CFAP54: variants seen among roughly 807,000 people sequenced by gnomAD.
CFAP54 encodes cilia and flagella associated protein 54.
In CFAP54, 290 loss-of-function variants were observed where a neutral mutation model predicts 370.4. That is an observed-to-expected ratio of 0.78 (90% CI 0.71 to 0.86). The LOEUF (loss-of-function observed/expected upper bound fraction) is 0.86, where lower values mean the gene tolerates loss of function less well. CFAP54 is among the 40% of genes least tolerant of loss of function. The pLI is 0.00. For synonymous variants in CFAP54, 1,206 were observed against 1,236.5 expected, an observed-to-expected ratio of 0.98 and a Z score of 0.52; for missense variants, 3,399 against 3,528.7, an observed-to-expected ratio of 0.96 and a Z score of 0.93.
At chr12:96,859,207 A>G (rs754503926) in intron 66 of CFAP54, among the ~76,000 whole-genome samples, 1 of 152,236 alleles carries the variant, frequency 6.6e-6, no homozygotes, top group African/African-American at 2.4e-5. Context: ...AGCCATAAGC[A>G]GAAGACTGAA....
At chr12:96,541,114 A>G in intron 14 of CFAP54, 127 bp downstream of exon 14, 1 of 502,218 alleles carries the variant, frequency 2.0e-6, no homozygotes, top group Admixed American at 4.3e-5. Flanking sequence ...GAGGATTTAT[A>G]ATTAGAGATA....
chr12:96,513,696 G>T (rs902628429), intron 5 of CFAP54, among the ~76,000 whole-genome samples: 1 of 152,064 alleles, frequency 6.6e-6, no homozygotes, highest in Non-Finnish European at 1.5e-5. Context: ...AGCCAAGATC[G>T]TGCCACTTTG....
intron 5 of CFAP54, among the ~76,000 whole-genome samples, chr12:96,513,662 G>A (rs1318057490): frequency 6.6e-6 from 1 of 152,104 alleles, no homozygotes; most frequent in Admixed American, 6.6e-5. Context: ...GATTGCTTGA[G>A]CCTGGGAGGC....
intron 26 of CFAP54, among the ~76,000 whole-genome samples, chr12:96,606,701 G>C (rs78038517): frequency 2.0e-5 from 3 of 152,100 alleles, no homozygotes; most frequent in African/African-American, 7.2e-5. Context: ...AAGGCTGGAG[G>C]GGGTATCTTA....
intron 45 of CFAP54, among the ~76,000 whole-genome samples, chr12:96,696,446 G>A (rs1411640754): frequency 6.6e-6 from 1 of 152,046 alleles, no homozygotes; most frequent in Non-Finnish European, 1.5e-5. Context: ...ATCTAGAGGG[G>A]CACCAAAGGA....
chr12:96,534,598 G>T (rs11108570), intron 11 of CFAP54, among the ~76,000 whole-genome samples: 17,251 of 152,110 alleles, frequency 0.11, 1,568 homozygotes, highest in East Asian at 0.45. Context: ...TGTTAGGAAG[G>T]GAAGGTTTGG....
At chr12:96,738,040 A>G (rs968757282) in intron 50 of CFAP54, among the ~76,000 whole-genome samples, 1 of 152,180 alleles carries the variant, frequency 6.6e-6, no homozygotes, top group African/African-American at 2.4e-5. Context: ...CAGGACTGCA[A>G]GGGCAAGAGT....
intron 9 of CFAP54, among the ~76,000 whole-genome samples, chr12:96,528,377 T>C (rs1955405843): frequency 1.3e-5 from 2 of 152,220 alleles, no homozygotes; most frequent in Admixed American, 1.3e-4. Flanking sequence ...TTATTTCTGC[T>C]TCTCTGTTGA....
intron 36 of CFAP54, among the ~76,000 whole-genome samples, chr12:96,654,898 A>G (rs1490081172): frequency 6.6e-6 from 1 of 150,536 alleles, no homozygotes; most frequent in Non-Finnish European, 1.5e-5. Context: ...GAAAAGTATG[A>G]ACTAATATCC....
At chr12:96,614,396 C>T (rs1229963359) in intron 26 of CFAP54, among the ~76,000 whole-genome samples, 1 of 152,198 alleles carries the variant, frequency 6.6e-6, no homozygotes, top group Non-Finnish European at 1.5e-5. Flanking sequence ...GACAAACCCA[C>T]AGCCAGTATC....
chr12:96,825,458 A>C (rs1374429459), intron 65 of CFAP54, among the ~76,000 whole-genome samples: 7 of 116,336 alleles, frequency 6.0e-5, no homozygotes, highest in East Asian at 2.4e-4. Flanking sequence ...ATTATATATA[A>C]TATAATATAT....
At chr12:96,870,828 G>T (rs886711325) in intron 67 of CFAP54, among the ~76,000 whole-genome samples, 1 of 152,058 alleles carries the variant, frequency 6.6e-6, no homozygotes, top group African/African-American at 2.4e-5. Context: ...TTAAAATGAT[G>T]TTTGAAGTCC....
intron 38 of CFAP54, among the ~76,000 whole-genome samples, chr12:96,659,761 C>A (rs1434167638): frequency 6.6e-6 from 1 of 152,194 alleles, no homozygotes; most frequent in Non-Finnish European, 1.5e-5. Flanking sequence ...TGTGGGTGAC[C>A]TGCCCAAGGG....
chr12:96,695,029 CAAAAACAAAA>C (rs995870474), intron 45 of CFAP54, among the ~76,000 whole-genome samples: 3 of 151,388 alleles, frequency 2.0e-5, no homozygotes, highest in Non-Finnish European at 4.4e-5. Flanking sequence ...TCAAAAAAAA[CAAAAACAAAA>C]AAAAACAAAA....
Position 96,581,009 on chromosome 12 carries a change from C to T in CFAP54, c.2979C>T (p.Asn993=), listed in dbSNP as rs1026298923. The change falls in exon 22 of 68, where the codon AAC becomes AAT. Residue 993 remains asparagine, a synonymous_variant. Coordinates refer to ENST00000524981, the MANE Select transcript of CFAP54 (RefSeq NM_001306084.2). The stretch of plus-strand genomic sequence containing the variant: ...TTGCAGTTGCTGCCTATTCTAACAA[C>T]GGAAAGCTTGTCGGTGGTGCTATTG... ...YVFAVAAYSN[N]GKLVGGAIGE... 75 of 1,533,052 alleles carry T rather than the reference C, an allele frequency of 4.9e-5. 1 individual carries two copies. Among genetic ancestry groups the T allele is most frequent in the Admixed American group, 7.9e-5 (4 of 50,732 alleles). 95.0% of individuals were successfully genotyped at this position (1,533,052 alleles called of 1,614,324 possible). A position where few individuals can be genotyped will look rare whatever the true frequency, so the allele number is the denominator to read the frequency against.
At chr12:96,731,547 G>T (rs970081143) in intron 50 of CFAP54, among the ~76,000 whole-genome samples, 16 of 152,208 alleles carry the variant, frequency 1.1e-4, no homozygotes, top group Non-Finnish European at 1.2e-4. Context: ...GATAGTATTT[G>T]TTGCCGATGA....
rs755347049 is a variant in CFAP54, at chr12:96,792,524, A to G, written c.8850+25A>G. 2.7e-6 allele frequency: 4 copies of G among 1,485,142 alleles called. No homozygotes were observed. In the East Asian group the frequency reaches 7.4e-5, roughly 28 times the overall value. 92.0% of individuals were successfully genotyped at this position (1,485,142 alleles called of 1,614,324 possible). ...GGTATGTAATGTACTTATAGAACTCAATATTTCATTTATATATAAAGCTTA... is the reference window on the plus strand; with the variant it reads ...GGTATGTAATGTACTTATAGAACTCGATATTTCATTTATATATAAAGCTTA... On this transcript the variant is annotated intron_variant, in intron 63 of 67. Coordinates refer to ENST00000524981, the MANE Select transcript of CFAP54 (RefSeq NM_001306084.2).
At chr12:96,497,994 G>A (rs1954976970) in intron 1 of CFAP54, among the ~76,000 whole-genome samples, 2 of 152,156 alleles carry the variant, frequency 1.3e-5, no homozygotes, top group Admixed American at 1.3e-4. Flanking sequence ...TCCTTCCTGT[G>A]CGAGATCCAA....
At chr12:96,732,133 C>T (rs200193510) in intron 50 of CFAP54, among the ~76,000 whole-genome samples, 28 of 147,600 alleles carry the variant, frequency 1.9e-4, no homozygotes, top group South Asian at 4.5e-4. Flanking sequence ...TGTGTGTGTG[C>T]GGTGTGTTTT....
Sources: allele counts gnomAD v4.1 joint callset (sites outside exome capture counted in the v4.1 genomes callset), GRCh38; gene constraint gnomAD v4.1.1; transcripts MANE v1.5; gene names NCBI Gene and HGNC (gene_info 2026-07-23, HGNC 2026-07-21).